BRD10: variants seen among roughly 807,000 people sequenced by gnomAD.
BRD10 encodes the protein bromodomain containing 10.
At chr9:5,946,689 TTTC>T in the BRD10 span, among the ~76,000 whole-genome samples, 1 of 152,122 alleles carries the variant, frequency 6.6e-6, no homozygotes, top group African/African-American at 2.4e-5. Context: ...AAATCATAGA[TTTC>T]TTATTTGCAC....
chr9:5,971,181 A>G, the BRD10 span, among the ~76,000 whole-genome samples: 1 of 152,148 alleles, frequency 6.6e-6, no homozygotes, highest in Non-Finnish European at 1.5e-5. Context: ...ATTATCAATT[A>G]GATAAATGCA....
At chr9:5,904,006 C>T in the BRD10 span, among the ~76,000 whole-genome samples, 12 of 151,924 alleles carry the variant, frequency 7.9e-5, no homozygotes, top group East Asian at 5.8e-4. Flanking sequence ...TACAGGTGTG[C>T]GCCACCAAGC....
chr9:5,974,309 T>TA, the BRD10 span, among the ~76,000 whole-genome samples: 1 of 152,162 alleles, frequency 6.6e-6, no homozygotes, highest in Non-Finnish European at 1.5e-5. Flanking sequence ...GAGAGTAAGT[T>TA]AAAGTCATTT....
At chr9:5,922,791 G>A in the BRD10 span, 3 of 1,613,960 alleles carry the variant, frequency 1.9e-6, no homozygotes, top group Non-Finnish European at 1.7e-6. Flanking sequence ...TGGCCACAGG[G>A]CATTTTGTAT....
At chr9:5,916,105 T>C in the BRD10 span, among the ~76,000 whole-genome samples, 3 of 152,214 alleles carry the variant, frequency 2.0e-5, no homozygotes, top group Admixed American at 2.0e-4. Flanking sequence ...TGAATAAATG[T>C]GTAAGAATAA....
At chr9:5,999,191 A>T in the BRD10 span, among the ~76,000 whole-genome samples, 1 of 151,976 alleles carries the variant, frequency 6.6e-6, no homozygotes, top group Admixed American at 6.6e-5. Context: ...TATTTAACAT[A>T]TTTTTTTCCC....
the BRD10 span, among the ~76,000 whole-genome samples, chr9:5,912,722 C>T: frequency 6.6e-6 from 1 of 152,236 alleles, no homozygotes; most frequent in South Asian, 2.1e-4. Flanking sequence ...AGCATGGGCA[C>T]AGGAGTCCTC....
At chr9:5,891,024 T>G in the BRD10 span, 1 of 152,160 alleles carries the variant, frequency 6.6e-6, no homozygotes, top group African/African-American at 2.4e-5. Context: ...CTGCCTACCC[T>G]CATTGCCCCG....
At chr9:6,007,327 A>T in the BRD10 span, 3 of 1,613,766 alleles carry the variant, frequency 1.9e-6, no homozygotes, top group Non-Finnish European at 2.5e-6. Flanking sequence ...GAACTCGGTG[A>T]TGCCCCCGTA....
chr9:5,918,957 A>G, the BRD10 span: 1 of 152,634 alleles, frequency 6.6e-6, no homozygotes, highest in Admixed American at 6.5e-5. Context: ...ACTGTCTTCA[A>G]TTACATCCTG....
the BRD10 span, chr9:5,919,407 G>A: frequency 3.3e-6 from 1 of 306,294 alleles, no homozygotes. Context: ...TTCACTTTAT[G>A]TTCTACAGAC....
At chr9:5,938,139 T>C in the BRD10 span, among the ~76,000 whole-genome samples, 1 of 152,188 alleles carries the variant, frequency 6.6e-6, no homozygotes, top group Non-Finnish European at 1.5e-5. Flanking sequence ...TTAAATATTT[T>C]ATAAAAGGAC....
chr9:5,938,762 G>T, the BRD10 span, among the ~76,000 whole-genome samples: 4 of 152,174 alleles, frequency 2.6e-5, no homozygotes, highest in African/African-American at 9.7e-5. Flanking sequence ...CCACAGCTGA[G>T]ATAGTTTTCA....
chr9:5,984,827 A>G, the BRD10 span, among the ~76,000 whole-genome samples: 1 of 152,198 alleles, frequency 6.6e-6, no homozygotes. Flanking sequence ...GAAAAAAAGA[A>G]AACAAAACAA....
chr9:5,924,703 A>G, the BRD10 span: 2 of 1,559,440 alleles, frequency 1.3e-6, no homozygotes, highest in African/African-American at 1.4e-5. Flanking sequence ...GGTTCTGTTG[A>G]GTCTATAGAC....
the BRD10 span, among the ~76,000 whole-genome samples, chr9:5,993,323 A>AC: frequency 6.7e-6 from 1 of 148,232 alleles, no homozygotes; most frequent in African/African-American, 2.5e-5. Flanking sequence ...AAAAAAAAAA[A>AC]AAAAAAAAAA....
the BRD10 span, among the ~76,000 whole-genome samples, chr9:5,933,596 T>C: frequency 3.3e-5 from 5 of 152,218 alleles, no homozygotes; most frequent in Non-Finnish European, 5.9e-5. Context: ...AAGTCCTTCA[T>C]TATATCATGC....
chr9:5,954,028 T>A, the BRD10 span: 1 of 1,563,186 alleles, frequency 6.4e-7, no homozygotes, highest in Non-Finnish European at 8.7e-7. Flanking sequence ...GAAACTCTGG[T>A]ACAGTAGGTG....
At chr9:5,891,748 CAG>C in the BRD10 span, among the ~76,000 whole-genome samples, 4 of 152,146 alleles carry the variant, frequency 2.6e-5, no homozygotes, top group Admixed American at 6.5e-5. Context: ...GGACTTGAAC[CAG>C]AGAGAAGCAG....
Sources: gnomAD v4.1 joint callset for allele counts (sites outside exome capture counted in the v4.1 genomes callset) on GRCh38, gnomAD v4.1.1 for gene constraint, MANE v1.5 for transcripts, NCBI Gene and HGNC (gene_info 2026-07-23, HGNC 2026-07-21) for gene names.